FHOD3: variants seen among roughly 807,000 people sequenced by gnomAD.
FHOD3 encodes the protein FH1/FH2 domain-containing protein 3.
FHOD3 carries 90 observed loss-of-function variants against 173.0 expected under a neutral mutation model. The observed-to-expected ratio is 0.52, with a 90% CI of 0.44 to 0.62. FHOD3 has a LOEUF of 0.62. FHOD3 is among the 20% of genes least tolerant of loss of function. The pLI, the probability that FHOD3 is intolerant of heterozygous loss-of-function variation, is 0.00. For missense variants in FHOD3, 1,945 were observed against 2,034.7 expected (o/e 0.96, Z 0.85); for synonymous variants, 828 against 823.0 (o/e 1.01, Z -0.10).
chr18:36,765,100 A>G (rs148967334), intron 27 of FHOD3, among the ~76,000 whole-genome samples: 1 of 152,312 alleles, frequency 6.6e-6, no homozygotes, highest in African/African-American at 2.4e-5. Context: ...TCCATGAGAC[A>G]TTTGCTAAAT....
At chr18:36,368,596 C>T (rs1056288705) in intron 2 of FHOD3, among the ~76,000 whole-genome samples, 13 of 151,960 alleles carry the variant, frequency 8.6e-5, no homozygotes, top group Non-Finnish European at 1.2e-4. Context: ...TTTAGAATGT[C>T]AATAATGTTA....
At chr18:36,651,249 T>G (rs2036031028) in intron 11 of FHOD3, among the ~76,000 whole-genome samples, 1 of 152,060 alleles carries the variant, frequency 6.6e-6, no homozygotes, top group African/African-American at 2.4e-5. Flanking sequence ...GCTCTGAATT[T>G]GAGGCGGGAA....
At chr18:36,360,750 G>A (rs1339474810) in intron 2 of FHOD3, among the ~76,000 whole-genome samples, 1 of 152,198 alleles carries the variant, frequency 6.6e-6, no homozygotes, top group East Asian at 1.9e-4. Context: ...TTTTGGTGGG[G>A]AGGTATTTCA....
At chr18:36,298,491 C>G (rs907848417) in intron 1 of FHOD3, among the ~76,000 whole-genome samples, 3 of 152,312 alleles carry the variant, frequency 2.0e-5, no homozygotes, top group Admixed American at 6.5e-5. Context: ...GGCCACGCGA[C>G]CCTCGCGACA....
intron 4 of FHOD3, among the ~76,000 whole-genome samples, chr18:36,507,382 C>T (rs1468802502): frequency 1.3e-5 from 2 of 152,186 alleles, no homozygotes; most frequent in East Asian, 3.8e-4. Context: ...GACTTGGGTT[C>T]CATCCTTGAG....
chr18:36,369,289 A>G (rs1483494763), intron 2 of FHOD3, among the ~76,000 whole-genome samples: 3 of 152,204 alleles, frequency 2.0e-5, no homozygotes, highest in Non-Finnish European at 4.4e-5. Context: ...AATCAGTGGT[A>G]GCAGGGAAAT....
At chr18:36,612,150 C>A in intron 9 of FHOD3, 55 bp downstream of exon 9, 1 of 1,573,452 alleles carries the variant, frequency 6.4e-7, no homozygotes, top group Non-Finnish European at 8.6e-7. Flanking sequence ...TTGTCAAAGG[C>A]TGAGATGGCG....
chr18:36,540,699 T>C (rs529933749), intron 5 of FHOD3, among the ~76,000 whole-genome samples: 12 of 152,140 alleles, frequency 7.9e-5, no homozygotes, highest in African/African-American at 2.7e-4. Flanking sequence ...GGAAGGGTGA[T>C]TGACTGGAAA....
intron 17 of FHOD3, among the ~76,000 whole-genome samples, chr18:36,697,342 G>A (rs1045519571): frequency 1.3e-5 from 2 of 152,154 alleles, no homozygotes; most frequent in Non-Finnish European, 2.9e-5. Context: ...CCCTCCTGAG[G>A]CCAGGTGGAG....
chr18:36,413,588 A>G (rs943288103), intron 3 of FHOD3, among the ~76,000 whole-genome samples: 1 of 152,158 alleles, frequency 6.6e-6, no homozygotes, highest in Non-Finnish European at 1.5e-5. Flanking sequence ...ATCTCTATTT[A>G]TCAAGCACAG....
intron 15 of FHOD3, among the ~76,000 whole-genome samples, chr18:36,686,794 G>T (rs1025717818): frequency 1.3e-5 from 2 of 152,088 alleles, no homozygotes; most frequent in Non-Finnish European, 2.9e-5. Flanking sequence ...GCTATTGCTT[G>T]CTTGTTATTG....
Position 36,386,363 on chromosome 18 carries a change from C to T in FHOD3, c.337+13619C>T, listed in dbSNP as rs147557775. ...TGTGGGTGGCCAGGGGTGGGCTGAC[C>T]GGGCACTCCTCTTTACCAGGTAGCG... On this transcript the variant is annotated intron_variant, in intron 3 of 28. Transcript: ENST00000590592. Among the ~76,000 whole-genome samples, 316 of 152,220 alleles carry T rather than the reference C, an allele frequency of 2.1e-3. 1 individual carries two copies. Among genetic ancestry groups the T allele is most frequent in the African/African-American group, 7.2e-3 (298 of 41,514 alleles).
At chr18:36,645,735 T>C (rs2035634879) in intron 10 of FHOD3, among the ~76,000 whole-genome samples, 1 of 152,110 alleles carries the variant, frequency 6.6e-6, no homozygotes, top group Non-Finnish European at 1.5e-5. Context: ...AGATAATACA[T>C]TACAACAAAA....
chr18:36,339,757 G>C (rs998888394), intron 1 of FHOD3, among the ~76,000 whole-genome samples: 11 of 152,206 alleles, frequency 7.2e-5, no homozygotes, highest in African/African-American at 2.7e-4. Flanking sequence ...TATGTCCAGT[G>C]AGTATCCCCG....
chr18:36,564,101 C>A (rs2058182972), intron 5 of FHOD3, among the ~76,000 whole-genome samples: 1 of 152,006 alleles, frequency 6.6e-6, no homozygotes, highest in Admixed American at 6.6e-5. Context: ...CCAGGTGACA[C>A]CCCAGGTGAA....
chr18:36,695,568 G>C (rs1183028410), intron 17 of FHOD3, among the ~76,000 whole-genome samples: 2 of 152,170 alleles, frequency 1.3e-5, no homozygotes, highest in Non-Finnish European at 2.9e-5. Context: ...ACTGGCTCCT[G>C]TGAGATCTAG....
rs1044625065 is a variant in FHOD3, at chr18:36,496,549, G to A, written c.338-5383G>A. Among the ~76,000 whole-genome samples, 4 of 152,178 alleles carry A rather than the reference G, an allele frequency of 2.6e-5. No homozygotes were observed. In the East Asian group the frequency reaches 7.7e-4, roughly 29 times the overall value. On this transcript the variant is annotated intron_variant, in intron 3 of 28. Coordinates refer to ENST00000590592, the MANE Select transcript of FHOD3 (RefSeq NM_001281740.3). ...TTTTAAACATAGCAGGTAGCTTTGA[G>A]TTTTAATAAAGCACTATGATTTCAT...
At chr18:36,355,818 C>A (rs1325081627) in intron 2 of FHOD3, among the ~76,000 whole-genome samples, 173 bp downstream of exon 2, 1 of 152,222 alleles carries the variant, frequency 6.6e-6, no homozygotes, top group Non-Finnish European at 1.5e-5. Flanking sequence ...GACCCGTTTC[C>A]ATTTTGAGTA....
chr18:36,392,003 A>G (rs150202782), intron 3 of FHOD3, among the ~76,000 whole-genome samples: 1 of 152,266 alleles, frequency 6.6e-6, no homozygotes, highest in Non-Finnish European at 1.5e-5. Context: ...TGCTGTGCTC[A>G]CCGCACACGT....
Sources: allele counts gnomAD v4.1 joint callset (sites outside exome capture counted in the v4.1 genomes callset), GRCh38; gene constraint gnomAD v4.1.1; transcripts MANE v1.5; gene names NCBI Gene and HGNC (gene_info 2026-07-23, HGNC 2026-07-21).